Variants in CNBD1 observed in about 807,000 individuals in gnomAD.
CNBD1 encodes cyclic nucleotide binding domain containing 1, also known as cyclic nucleotide-binding domain-containing protein 1.
A neutral mutation model predicts 54.4 loss-of-function variants in CNBD1; 71 were observed. The observed-to-expected ratio is 1.30, with a 90% confidence interval of 1.08 to 1.59. The LOEUF (loss-of-function observed/expected upper bound fraction) is 1.59. CNBD1 is among the 40% of genes most tolerant of loss of function. CNBD1 has a pLI of 0.00. For missense variants in CNBD1, 659 were observed against 518.0 expected (o/e 1.27, Z -2.64); for synonymous variants, 182 against 170.7 (o/e 1.07, Z -0.51).
chr8:87,378,929 G>A (rs1445096916), intron 10 of CNBD1, among the ~76,000 whole-genome samples: 4 of 149,170 alleles, frequency 2.7e-5, no homozygotes, highest in African/African-American at 1.0e-4. Context: ...GTGAATGGGA[G>A]TTCACTCATG....
rs541893510 is a variant in CNBD1, at chr8:87,311,815, G to A, written c.1042+25144G>A. Reference sequence around the variant, plus strand: ...TTGCAGCAATATGAATGCAGCTGGCGGTCATTAACCTATGCAAATTAACAC... The same window carrying A: ...TTGCAGCAATATGAATGCAGCTGGCAGTCATTAACCTATGCAAATTAACAC... On this transcript the variant is annotated intron_variant, in intron 8 of 10. Transcript: ENST00000518476. Among the ~76,000 whole-genome samples the A allele has an allele frequency of 1.5e-3, 234 of 152,034 alleles. 3 individuals carry two copies. In the South Asian group the frequency reaches 0.017, roughly 11 times the overall value.
chr8:87,050,428 T>C (rs548599121), intron 4 of CNBD1, among the ~76,000 whole-genome samples: 50 of 152,220 alleles, frequency 3.3e-4, no homozygotes, highest in Non-Finnish European at 6.0e-4. Context: ...TCAGATGAGG[T>C]ACAGTGGAGA....
At chr8:87,276,666 A>G (rs1233386786) in intron 6 of CNBD1, among the ~76,000 whole-genome samples, 1 of 151,902 alleles carries the variant, frequency 6.6e-6, no homozygotes, top group Non-Finnish European at 1.5e-5. Context: ...AAGCTGAATA[A>G]CACCAAATTA....
chr8:87,086,353 AC>A (rs2130672416), intron 4 of CNBD1, among the ~76,000 whole-genome samples: 1 of 152,316 alleles, frequency 6.6e-6, no homozygotes, highest in Admixed American at 6.5e-5. Context: ...TTGCTGAGTA[AC>A]CCCAGCCCTC....
intron 2 of CNBD1, among the ~76,000 whole-genome samples, chr8:87,426,574 T>G (rs1808054862): frequency 6.6e-6 from 1 of 152,238 alleles, no homozygotes; most frequent in Admixed American, 6.5e-5. Context: ...TTTACTTTTT[T>G]ATCAAGCTAC....
chr8:87,407,232 T>C (rs137951671), intron 2 of CNBD1, among the ~76,000 whole-genome samples: 195 of 152,246 alleles, frequency 1.3e-3, no homozygotes, highest in African/African-American at 4.5e-3. Context: ...GAGTAGGTTT[T>C]ACTTGTTTTA....
chr8:87,228,543 T>G (rs2130817427), intron 5 of CNBD1, among the ~76,000 whole-genome samples: 1 of 150,480 alleles, frequency 6.6e-6, no homozygotes, highest in East Asian at 1.9e-4. Context: ...GCCTCCCAGT[T>G]AGGCTGCTCG....
chr8:86,926,304 T>C (rs1185645613), intron 3 of CNBD1, among the ~76,000 whole-genome samples: 2 of 152,140 alleles, frequency 1.3e-5, no homozygotes, highest in African/African-American at 4.8e-5. Flanking sequence ...GCAGTTGTAG[T>C]GTCCTCCAGA....
intron 4 of CNBD1, among the ~76,000 whole-genome samples, chr8:87,167,454 TTTG>T (rs201528730): frequency 0.013 from 1,998 of 151,988 alleles, 22 homozygotes; most frequent in Middle Eastern, 0.031. Context: ...TAGAACATTT[TTTG>T]TTGTTGTTGT....
chr8:87,076,595 A>G (rs941993625), intron 4 of CNBD1, among the ~76,000 whole-genome samples: 3 of 151,892 alleles, frequency 2.0e-5, no homozygotes, highest in African/African-American at 4.8e-5. Context: ...GGCATGCCCC[A>G]CCATGTCTGG....
chr8:87,335,157 G>T (rs1282465100), intron 8 of CNBD1, among the ~76,000 whole-genome samples: 1 of 152,156 alleles, frequency 6.6e-6, no homozygotes, highest in Non-Finnish European at 1.5e-5. Flanking sequence ...GTGTCATGTG[G>T]CACTGAGAAT....
intron 10 of CNBD1, among the ~76,000 whole-genome samples, chr8:87,357,791 G>T (rs972645984): frequency 6.6e-6 from 1 of 152,124 alleles, no homozygotes; most frequent in African/African-American, 2.4e-5. Context: ...GCCAGCAACA[G>T]AATGATATAG....
chr8:87,154,738 A>G (rs1339575862), intron 4 of CNBD1, among the ~76,000 whole-genome samples: 1 of 152,172 alleles, frequency 6.6e-6, no homozygotes, highest in African/African-American at 2.4e-5. Context: ...TGAAGTTGAT[A>G]TTAGAACCTA....
At chr8:87,099,959 G>T (rs1013258973) in intron 4 of CNBD1, among the ~76,000 whole-genome samples, 1 of 152,166 alleles carries the variant, frequency 6.6e-6, no homozygotes, top group Non-Finnish European at 1.5e-5. Flanking sequence ...CCTATTTGTG[G>T]CAAACTCTTA....
chr8:87,158,175 C>T (rs1812784316), intron 4 of CNBD1, among the ~76,000 whole-genome samples: 1 of 152,042 alleles, frequency 6.6e-6, no homozygotes, highest in South Asian at 2.1e-4. Context: ...AGTCCAACTA[C>T]CTGGGATAAA....
At chr8:87,334,719 C>CTTTTTTTTTTTTTTTTTT (rs758083191) in intron 8 of CNBD1, among the ~76,000 whole-genome samples, 1 of 126,158 alleles carries the variant, frequency 7.9e-6, no homozygotes, top group Non-Finnish European at 1.7e-5. Flanking sequence ...TTTCTTTTTT[C>CTTTTTTTTTTTTTTTTTT]TTTTCTTTTT....
At chr8:86,947,143 C>G (rs1303424474) in intron 4 of CNBD1, among the ~76,000 whole-genome samples, 1 of 152,104 alleles carries the variant, frequency 6.6e-6, no homozygotes, top group Non-Finnish European at 1.5e-5. Flanking sequence ...AAGTAATAAA[C>G]AACTTGGCAG....
chr8:87,371,747 T>C (rs1363743661), intron 10 of CNBD1, among the ~76,000 whole-genome samples: 1 of 151,952 alleles, frequency 6.6e-6, no homozygotes, highest in Non-Finnish European at 1.5e-5. Context: ...CACATGATTA[T>C]CTCAATAGAT....
rs552217168 is a variant in CNBD1 at position 87,073,707 on chromosome 8, C to T, written c.432-132286C>T. Among the ~76,000 whole-genome samples the T allele has an allele frequency of 2.6e-5, 4 of 152,202 alleles. No homozygotes were observed. In the South Asian group the frequency reaches 8.3e-4, roughly 32 times the overall value. The stretch of plus-strand genomic sequence containing the variant: ...CTGGAAGCTCTGTCCCAGTGGAGTA[C>T]TGATGTGTTGCCAGCCTGAACATCC... On this transcript the variant is annotated intron_variant, in intron 4 of 10. Coordinates refer to ENST00000518476, the MANE Select transcript of CNBD1 (RefSeq NM_173538.3).
Sources: allele counts gnomAD v4.1 joint callset (sites outside exome capture counted in the v4.1 genomes callset), GRCh38; gene constraint gnomAD v4.1.1; transcripts MANE v1.5; gene names NCBI Gene and HGNC (gene_info 2026-07-23, HGNC 2026-07-21).